The following SLC1A1 variants were observed in gnomAD, a reference collection of about 807,000 sequenced individuals.
SLC1A1 encodes excitatory amino acid transporter 3.
In SLC1A1, 43 loss-of-function variants were observed where a neutral mutation model predicts 53.3. That is an observed-to-expected ratio of 0.81 (90% CI 0.63 to 1.04). The LOEUF is 1.04. Ranked by LOEUF, SLC1A1 falls within the 50% of genes least tolerant of loss-of-function variation. The pLI, the probability that SLC1A1 is intolerant of heterozygous loss-of-function variation, is 0.00. For missense variants in SLC1A1, 748 were observed against 664.9 expected (o/e 1.12, Z -1.37); for synonymous variants, 307 against 243.2 (o/e 1.26, Z -2.44).
intron 6 of SLC1A1, among the ~76,000 whole-genome samples, chr9:4,567,988 G>A (rs879573556): frequency 3.3e-5 from 5 of 152,132 alleles, no homozygotes; most frequent in African/African-American, 9.7e-5. Context: ...CGACAGGCAC[G>A]TTCCCAGCTA....
intron 1 of SLC1A1, among the ~76,000 whole-genome samples, chr9:4,491,006 C>T (rs1820215418): frequency 6.6e-6 from 1 of 152,214 alleles, no homozygotes; most frequent in Non-Finnish European, 1.5e-5. Flanking sequence ...GCTGCTGGTT[C>T]CTGCTCTACC....
At chr9:4,582,452 T>G (rs890342632) in intron 10 of SLC1A1, among the ~76,000 whole-genome samples, 1 of 152,122 alleles carries the variant, frequency 6.6e-6, no homozygotes, top group Admixed American at 6.5e-5. Flanking sequence ...GTCAAGAGAG[T>G]GCATAAAGCC....
chr9:4,585,365 T>G lies in SLC1A1; in HGVS notation c.1382T>G (p.Ile461Ser). 1 of 1,614,166 alleles carries G rather than the reference T, an allele frequency of 6.2e-7. No individual in the cohort carries two copies. Among genetic ancestry groups the G allele is most frequent in the Non-Finnish European group, 8.5e-7 (1 of 1,180,010 alleles). The change falls in exon 12 of 12, where the codon ATT becomes AGT. Residue 461 changes from isoleucine (I) to serine (S), a missense_variant. Ile to Ser is a moderately radical substitution (Grantham distance 142). Transcript: ENST00000262352. ...CTTGGTGATGCTTTTGGGACGGGCA[T>G]TGTGGAAAAGCTCTCCAAGAAGGAG... ...NVLGDAFGTG[I>S]VEKLSKKELE...
intron 3 of SLC1A1, 62 bp from the exon 4 acceptor site, chr9:4,564,282 C>T (rs1309946643): frequency 5.4e-6 from 6 of 1,109,500 alleles, no homozygotes; most frequent in Middle Eastern, 2.6e-4. Flanking sequence ...TCTAAAGGTG[C>T]CAGCTGTGCC....
At chr9:4,581,785 T>C (rs1389847359) in intron 10 of SLC1A1, among the ~76,000 whole-genome samples, 2 of 152,194 alleles carry the variant, frequency 1.3e-5, no homozygotes, top group African/African-American at 2.4e-5. Flanking sequence ...TAATTTACTA[T>C]AATTTGGTGG....
intron 1 of SLC1A1, among the ~76,000 whole-genome samples, chr9:4,499,007 T>TTA (rs1040072621): frequency 6.2e-5 from 9 of 144,258 alleles, no homozygotes; most frequent in Middle Eastern, 3.3e-3. Flanking sequence ...AGATTATATA[T>TTA]TATATATATA....
intron 2 of SLC1A1, among the ~76,000 whole-genome samples, chr9:4,547,502 T>G (rs1274159426): frequency 6.6e-6 from 1 of 152,128 alleles, no homozygotes; most frequent in East Asian, 1.9e-4. Context: ...AATTGTCAGA[T>G]TAGAGGGAAA....
At chr9:4,517,205 A>C (rs530437370) in intron 1 of SLC1A1, among the ~76,000 whole-genome samples, 2 of 152,148 alleles carry the variant, frequency 1.3e-5, no homozygotes, top group Non-Finnish European at 2.9e-5. Context: ...CACCGTCCTC[A>C]ATAGTCCCCG....
At chr9:4,501,786 AAAAC>A (rs1010509717) in intron 1 of SLC1A1, among the ~76,000 whole-genome samples, 2 of 151,680 alleles carry the variant, frequency 1.3e-5, no homozygotes, top group African/African-American at 2.4e-5. Context: ...AAAACAAAAC[AAAAC>A]AAAGAAAACT....
intron 1 of SLC1A1, among the ~76,000 whole-genome samples, chr9:4,497,458 T>C (rs1448673965): frequency 6.6e-6 from 1 of 152,196 alleles, no homozygotes; most frequent in African/African-American, 2.4e-5. Context: ...GTGCCCATAG[T>C]ACCTATCACA....
chr9:4,562,199 G>A (rs1819022171), intron 3 of SLC1A1, among the ~76,000 whole-genome samples: 1 of 151,260 alleles, frequency 6.6e-6, no homozygotes, highest in Non-Finnish European at 1.5e-5. Flanking sequence ...AGCCTCCCGA[G>A]TAGCTGGGAT....
At chr9:4,500,374 T>G (rs1820591116) in intron 1 of SLC1A1, among the ~76,000 whole-genome samples, 1 of 152,170 alleles carries the variant, frequency 6.6e-6, no homozygotes, top group African/African-American at 2.4e-5. Flanking sequence ...AGTAGTGCGA[T>G]CTCGGCTACT....
intron 1 of SLC1A1, among the ~76,000 whole-genome samples, chr9:4,534,775 T>C (rs1564013950): frequency 6.6e-6 from 1 of 152,042 alleles, no homozygotes; most frequent in East Asian, 1.9e-4. Context: ...TTTAGACCAA[T>C]ATCCCTGATG....
intron 2 of SLC1A1, 100 bp from the exon 3 acceptor site, chr9:4,561,349 C>T (rs774735354): frequency 4.6e-5 from 36 of 790,276 alleles, no homozygotes; most frequent in Middle Eastern, 2.2e-4. Context: ...TAGATGAGAA[C>T]GCCTCTCAGC....
At chr9:4,515,199 C>G (rs376158327) in intron 1 of SLC1A1, among the ~76,000 whole-genome samples, 1 of 152,252 alleles carries the variant, frequency 6.6e-6, no homozygotes, top group East Asian at 1.9e-4. Context: ...AGATGCTGGC[C>G]TCTTCTAACC....
At chr9:4,553,364 CTTTT>C (rs33971780) in intron 2 of SLC1A1, 3 of 110,168 alleles carry the variant, frequency 2.7e-5, no homozygotes, top group Admixed American at 1.1e-4. Flanking sequence ...CCCACCGCTT[CTTTT>C]TTTTTTTTTT....
At chr9:4,492,185 G>A (rs1277735451) in intron 1 of SLC1A1, among the ~76,000 whole-genome samples, 1 of 152,016 alleles carries the variant, frequency 6.6e-6, no homozygotes, top group Non-Finnish European at 1.5e-5. Flanking sequence ...TTAAGGGAAA[G>A]TTTATCCTAC....
In SLC1A1 at chr9:4,583,911, CATAT is replaced by C. The variant is rs1040836578; in HGVS notation, c.1328+740_1328+743del. 1.4e-4 allele frequency among the ~76,000 whole-genome samples: 16 copies of C among 118,084 alleles called. No homozygotes were observed. The highest frequency in any genetic ancestry group is 2.2e-4 in the Non-Finnish European group (11 of 50,580). 77.5% of individuals were successfully genotyped at this position (118,084 alleles called of 152,430 possible). ...ACACACACACACACACACACACACA[CATAT>C]GGAATACAGCAGAACATCTGGGTGA... On this transcript the variant is annotated intron_variant, in intron 11 of 11. Transcript: ENST00000262352. This position sits in a 1 kb window ranked among gnomAD's most constrained non-coding sequence, Gnocchi z 4.6.
chr9:4,576,650 C>T lies in SLC1A1; in HGVS notation c.1080C>T (p.Pro360=), dbSNP rs373554585. 3.8e-5 allele frequency: 62 copies of T among 1,613,916 alleles called. 1 individual carries two copies. In the African/African-American group the frequency reaches 5.2e-4, roughly 14 times the overall value. ...VDKRITRFVL[P]VGATINMDGT... ...AGAGGATCACTCGATTCGTGTTACC[C>T]GTTGGTGCAACAATCAACATGGATG... The change falls in exon 10 of 12, where the codon CCC becomes CCT. Residue 360 remains proline (P), a synonymous_variant. Coordinates refer to ENST00000262352, the MANE Select transcript of SLC1A1 (RefSeq NM_004170.6).
Sources: allele counts gnomAD v4.1 joint callset (sites outside exome capture counted in the v4.1 genomes callset), GRCh38; gene constraint gnomAD v4.1.1; non-coding constraint Gnocchi (gnomAD v3.1); transcripts MANE v1.5; gene names NCBI Gene and HGNC (gene_info 2026-07-23, HGNC 2026-07-21).